Variants in HTR4 observed in about 807,000 individuals in gnomAD.
The protein encoded by HTR4 is 5-hydroxytryptamine (serotonin) receptor 4, G protein-coupled.
HTR4 carries 16 observed loss-of-function variants against 36.8 expected under a neutral mutation model. The observed-to-expected ratio is 0.43, with a 90% confidence interval of 0.29 to 0.66. The LOEUF (loss-of-function observed/expected upper bound fraction) is 0.66. Ranked by LOEUF, HTR4 falls within the 30% of genes least tolerant of loss-of-function variation. HTR4 has a pLI of 0.13. For synonymous variants in HTR4, 189 were observed against 185.1 expected (o/e 1.02, Z -0.17); for missense variants, 438 against 490.9 (o/e 0.89, Z 1.02).
intron 1 of HTR4, among the ~76,000 whole-genome samples, chr5:148,651,253 C>T (rs566610964): frequency 6.6e-6 from 1 of 152,212 alleles, no homozygotes; most frequent in Non-Finnish European, 1.5e-5. Flanking sequence ...CCTTCAGCAG[C>T]ATGTTGAGCA....
Position 148,519,981 on chromosome 5 carries a change from C to T in HTR4, c.507+3212G>A, listed in dbSNP as rs138372581. 4.3e-3 allele frequency among the ~76,000 whole-genome samples: 655 copies of T among 152,194 alleles called. 3 individuals carry two copies. The highest frequency in any genetic ancestry group is 0.016 in the South Asian group (75 of 4,820). On this transcript the variant is annotated intron_variant, in intron 5 of 6. Coordinates refer to ENST00000377888, the MANE Select transcript of HTR4 (RefSeq NM_000870.7). The stretch of plus-strand genomic sequence containing the variant: ...GTCTTGTCCATGACTGCAATGCTAA[C>T]GAGTCAACATATAAATTAAATAGGT...
chr5:148,633,276 A>G (rs1257446367), intron 2 of HTR4, among the ~76,000 whole-genome samples: 1 of 152,146 alleles, frequency 6.6e-6, no homozygotes, highest in Non-Finnish European at 1.5e-5. Context: ...AAATGCTTAT[A>G]ATGCTTCTCA....
chr5:148,618,173 T>A (rs935731215), intron 2 of HTR4, among the ~76,000 whole-genome samples: 1 of 152,152 alleles, frequency 6.6e-6, no homozygotes, highest in African/African-American at 2.4e-5. Context: ...GGTCAGGTGC[T>A]CTGAGTGGGG....
chr5:148,547,728 T>C (rs1359162173), intron 4 of HTR4, among the ~76,000 whole-genome samples: 2 of 151,644 alleles, frequency 1.3e-5, no homozygotes, highest in Non-Finnish European at 2.9e-5. Context: ...CTTGTCCCTA[T>C]AAAAAATAAA....
chr5:148,578,910 C>G (rs1000733054), intron 2 of HTR4, among the ~76,000 whole-genome samples: 2 of 152,072 alleles, frequency 1.3e-5, no homozygotes, highest in Non-Finnish European at 2.9e-5. Flanking sequence ...CTTATGGCTA[C>G]TCTAGAAAAA....
intron 1 of HTR4, among the ~76,000 whole-genome samples, chr5:148,647,216 C>T (rs1753897601): frequency 6.6e-6 from 1 of 152,118 alleles, no homozygotes; most frequent in South Asian, 2.1e-4. Context: ...AAAAAGTTAT[C>T]CAAAATGGTA....
chr5:148,518,204 T>A (rs780820837), intron 5 of HTR4, among the ~76,000 whole-genome samples: 28 of 152,076 alleles, frequency 1.8e-4, no homozygotes, highest in Non-Finnish European at 3.8e-4. Context: ...GTACTTACCA[T>A]CTCCTAACAT....
intron 5 of HTR4, among the ~76,000 whole-genome samples, chr5:148,510,533 A>G (rs1243478514): frequency 6.6e-6 from 1 of 152,242 alleles, no homozygotes; most frequent in Non-Finnish European, 1.5e-5. Context: ...TTATAAGTGC[A>G]GATTCCTGCC....
intron 2 of HTR4, among the ~76,000 whole-genome samples, chr5:148,570,759 A>T (rs557839250): frequency 3.3e-5 from 5 of 152,024 alleles, no homozygotes; most frequent in Non-Finnish European, 7.4e-5. Flanking sequence ...ACATGATTAG[A>T]TTTGCATTTT....
Position 148,532,658 on chromosome 5 carries a change from T to C in HTR4, c.354-9312A>G, listed in dbSNP as rs116229303. ...GGCCTGAAGAGAGAAATTATATATA[T>C]GAAATACATACCCATAAATGTATAT... On this transcript the variant is annotated intron_variant, in intron 4 of 6. Coordinates refer to ENST00000377888, the MANE Select transcript of HTR4 (RefSeq NM_000870.7). Among the ~76,000 whole-genome samples the C allele has an allele frequency of 2.1e-3, 327 of 152,252 alleles. 2 individuals carry two copies. The highest frequency in any genetic ancestry group is 7.3e-3 in the African/African-American group (305 of 41,538).
At chr5:148,637,113 T>C (rs1381722457) in intron 1 of HTR4, 52 bp from the exon 2 acceptor site, 1 of 1,195,598 alleles carries the variant, frequency 8.4e-7, no homozygotes, top group Non-Finnish European at 1.2e-6. Context: ...CATTGAAAAA[T>C]ACAAGTCCTT....
intron 2 of HTR4, among the ~76,000 whole-genome samples, chr5:148,567,685 G>GAATATTCACTTCCA (rs1485028429): frequency 2.0e-5 from 3 of 151,984 alleles, no homozygotes; most frequent in African/African-American, 7.2e-5. Context: ...TTTCTTCCTA[G>GAATATTCACTTCCA]AATATTCACT....
At position 148,506,545 on chromosome 5, in the gene HTR4, C is replaced by T. The variant is rs577700843; in HGVS notation, c.1076+2911G>A. Among the ~76,000 whole-genome samples, 44 of 152,258 alleles carry T rather than the reference C, an allele frequency of 2.9e-4. No individual in the cohort carries two copies. In the East Asian group the frequency reaches 8.1e-3, roughly 28 times the overall value. On this transcript the variant is annotated intron_variant, in intron 6 of 6. Transcript: ENST00000377888. ...AATGGGATCTAATTAAACTAAAGAGCTTCTGCACAGCAAAAGAAACTACCA... is the reference window on the plus strand; with the variant it reads ...AATGGGATCTAATTAAACTAAAGAGTTTCTGCACAGCAAAAGAAACTACCA...
chr5:148,560,405 T>G (rs1760152893), intron 2 of HTR4, among the ~76,000 whole-genome samples: 1 of 152,178 alleles, frequency 6.6e-6, no homozygotes, highest in Non-Finnish European at 1.5e-5. Context: ...ACCAAAATTT[T>G]ACATTTTTAG....
At chr5:148,615,681 A>G (rs74784453) in intron 2 of HTR4, among the ~76,000 whole-genome samples, 2,505 of 150,082 alleles carry the variant, frequency 0.017, 118 homozygotes, top group East Asian at 0.12. Context: ...AAAGTATAAT[A>G]ATTAAAAAAA....
chr5:148,592,821 C>G (rs1480661599), intron 2 of HTR4, among the ~76,000 whole-genome samples: 1 of 152,042 alleles, frequency 6.6e-6, no homozygotes, highest in Non-Finnish European at 1.5e-5. Flanking sequence ...TTATTTATCT[C>G]TGTACTACCA....
At chr5:148,473,327 A>G (rs1755618660), downstream of HTR4, among the ~76,000 whole-genome samples, 1 of 151,778 alleles carries the variant, frequency 6.6e-6, no homozygotes, top group Admixed American at 6.6e-5. Flanking sequence ...AAAGAGGTAG[A>G]AGATAGCCGT....
intron 2 of HTR4, among the ~76,000 whole-genome samples, chr5:148,574,816 T>C (rs1032813510): frequency 3.3e-5 from 5 of 152,080 alleles, no homozygotes; most frequent in African/African-American, 1.2e-4. Flanking sequence ...TAAGTGAAAT[T>C]TCCACCCACC....
intron 1 of HTR4, among the ~76,000 whole-genome samples, chr5:148,643,253 C>CA (rs1753781450): frequency 6.6e-6 from 1 of 151,974 alleles, no homozygotes; most frequent in African/African-American, 2.4e-5. Flanking sequence ...GCATCTTTGT[C>CA]AAAAAACTAT....
Sources: gnomAD v4.1 joint callset for allele counts (sites outside exome capture counted in the v4.1 genomes callset) on GRCh38, gnomAD v4.1.1 for gene constraint, MANE v1.5 for transcripts, NCBI Gene and HGNC (gene_info 2026-07-23, HGNC 2026-07-21) for gene names.